Variants in ASPM observed in about 807,000 individuals in gnomAD.
ASPM encodes the protein assembly factor for spindle microtubules.
A neutral mutation model predicts 366.4 loss-of-function variants in ASPM; 256 were observed. The observed-to-expected ratio is 0.70, with a 90% CI of 0.63 to 0.77. The LOEUF is 0.77. Ranked by LOEUF, ASPM falls within the 30% of genes least tolerant of loss-of-function variation. The pLI is 0.00. For synonymous variants in ASPM, 1,414 were observed against 1,342.9 expected (o/e 1.05, Z -1.16); for missense variants, 4,146 against 4,090.4 (o/e 1.01, Z -0.37).
chr1:197,101,429 C>G lies in ASPM; in HGVS notation c.7822G>C (p.Val2608Leu). The G allele has an allele frequency of 6.2e-7, 1 of 1,608,656 alleles. No homozygotes were observed. The highest frequency in any genetic ancestry group is 1.3e-5 in the African/African-American group (1 of 74,890). ...QHNELKKETC[V>L]QAGFQDMNIK... is the part of the protein sequence containing the mutation. ...TTCATGTCCTGAAAACCTGCCTGAACACAAGTCTCTTTCTTAAGTTCATTG... is the reference window on the plus strand; with the variant it reads ...TTCATGTCCTGAAAACCTGCCTGAAGACAAGTCTCTTTCTTAAGTTCATTG... The change falls in exon 18 of 28, where the codon GTT (valine) becomes CTT (leucine). Residue 2608 changes from valine (V) to leucine (L), a missense_variant. Transcript: ENST00000367409.
At chr1:197,145,530 A>G (rs1409966180) in intron 1 of ASPM, among the ~76,000 whole-genome samples, 3 of 151,172 alleles carry the variant, frequency 2.0e-5, no homozygotes, top group South Asian at 2.1e-4. Context: ...ATTTCACCGG[A>G]AAAAAAAACC....
Position 197,103,991 on chromosome 1 carries a change from C to G in ASPM, c.5260G>C (p.Ala1754Pro). 6.2e-7 allele frequency: 1 copy of G among 1,612,390 alleles called. No homozygotes were observed. Among genetic ancestry groups the G allele is most frequent in the Non-Finnish European group, 8.5e-7 (1 of 1,179,360 alleles). ...VRKQMRLQRK[A>P]VISLQSYFRM... is the part of the protein sequence containing the mutation. ...AAATAAGACTGTAGTGAAATAACAGCTTTTCTTTGTAACCTCATCTGCTTT... is the reference window on the plus strand; with the variant it reads ...AAATAAGACTGTAGTGAAATAACAGGTTTTCTTTGTAACCTCATCTGCTTT... The change falls in exon 18 of 28, where the codon GCT becomes CCT. Residue 1754 changes from alanine to proline, a missense_variant. Physicochemically the swap from Ala to Pro is conservative, Grantham distance 27. Coordinates refer to ENST00000367409, the MANE Select transcript of ASPM (RefSeq NM_018136.5).
chr1:197,094,314 G>A, intron 19 of ASPM, 134 bp from the exon 20 acceptor site: 1 of 627,694 alleles, frequency 1.6e-6, no homozygotes. Flanking sequence ...TAAAAAGTGG[G>A]CAAGTATAAT....
intron 17 of ASPM, among the ~76,000 whole-genome samples, chr1:197,117,375 T>C (rs1321689697): frequency 6.6e-6 from 1 of 152,080 alleles, no homozygotes; most frequent in Non-Finnish European, 1.5e-5. Context: ...TAAGTACTAT[T>C]TCCTTTACAT....
At chr1:197,132,448 A>G in intron 6 of ASPM, 96 bp from the exon 7 acceptor site, 1 of 935,824 alleles carries the variant, frequency 1.1e-6, no homozygotes, top group South Asian at 1.4e-5. Flanking sequence ...GGAAAAAAAT[A>G]CTTGCTTATA....
chr1:197,093,516 C>G (rs1261867181), intron 20 of ASPM, among the ~76,000 whole-genome samples: 1 of 151,788 alleles, frequency 6.6e-6, no homozygotes, highest in African/African-American at 2.4e-5. Flanking sequence ...CCTCTTGATA[C>G]TTTTCATTGT....
At chr1:197,119,965 G>A (rs1294126115) in intron 16 of ASPM, among the ~76,000 whole-genome samples, 2 of 151,972 alleles carry the variant, frequency 1.3e-5, no homozygotes, top group Non-Finnish European at 2.9e-5. Context: ...AACATAGGGA[G>A]CCTGCTGCTT....
At position 197,129,995 on chromosome 1, in the gene ASPM, A is replaced by C. The variant is rs1339298491; in HGVS notation, c.2549T>G (p.Phe850Cys). ...DNSDVTGLAM[F>C]ILNRLLWNPD... ...ATTCCAAAGTAGGCGATTCAGAATAAACATAGCCAACCCTGTGACATCACT... is the reference window on the plus strand; with the variant it reads ...ATTCCAAAGTAGGCGATTCAGAATACACATAGCCAACCCTGTGACATCACT... The change falls in exon 8 of 28, where the codon TTT (phenylalanine) becomes TGT (cysteine). Residue 850 changes from phenylalanine (F) to cysteine (C), a missense_variant. By Grantham distance (205) the Phe-to-Cys change is radical. This residue lies in a region of ASPM where 3,624 missense variants were observed against 3,591.7 expected (regional missense o/e 1.01). Coordinates refer to ENST00000367409, the MANE Select transcript of ASPM (RefSeq NM_018136.5). 3 of 1,613,874 alleles carry C rather than the reference A, an allele frequency of 1.9e-6. No individual in the cohort carries two copies. In the African/African-American group the frequency reaches 4.0e-5, roughly 22 times the overall value.
Position 197,092,042 on chromosome 1 carries a change from T to A in ASPM, c.9309A>T (p.Arg3103Ser), listed in dbSNP as rs773154966. 1.2e-6 allele frequency: 2 copies of A among 1,611,668 alleles called. No individual in the cohort carries two copies. Among genetic ancestry groups the A allele is most frequent in the South Asian group, 2.2e-5 (2 of 91,026 alleles). ...WLVRKRFLEQ[R>S]AKIRLLHFTA... ...TGAAGTGAAGAAGTCGAATTTTGGCTCTCTGTTCTAAAAACTAAAGGTGAA... is the reference window on the plus strand; with the variant it reads ...TGAAGTGAAGAAGTCGAATTTTGGCACTCTGTTCTAAAAACTAAAGGTGAA... Residue 3103 changes from arginine (R) to serine (S), a missense_variant, in exon 22 of 28, where the codon AGA becomes AGT. Physicochemically the swap from Arg to Ser is moderately radical, Grantham distance 110. Around this residue, in one of 3 missense-constraint regions of ASPM, gnomAD observed 3,624 missense variants for 3,591.7 expected, o/e 1.01. Coordinates refer to ENST00000367409, the MANE Select transcript of ASPM (RefSeq NM_018136.5).
Position 197,146,484 on chromosome 1 carries a change from G to C in ASPM, c.-47C>G, listed in dbSNP as rs1415528496. ...GGATCTCCTTGCCCCGCTCCCACGAGGCGGCTCCGGAGCGGGGATCCGGGA... is the reference window on the plus strand; with the variant it reads ...GGATCTCCTTGCCCCGCTCCCACGACGCGGCTCCGGAGCGGGGATCCGGGA... On this transcript the variant is annotated 5_prime_UTR_variant, in exon 1 of 28. Coordinates refer to ENST00000367409, the MANE Select transcript of ASPM (RefSeq NM_018136.5). 2 of 1,593,388 alleles carry C rather than the reference G, an allele frequency of 1.3e-6. No homozygotes were observed. Among genetic ancestry groups the C allele is most frequent in the Non-Finnish European group, 8.5e-7 (1 of 1,175,770 alleles).
Position 197,103,156 on chromosome 1 carries a change from C to T in ASPM, c.6095G>A (p.Arg2032His), listed in dbSNP as rs149033840. The change falls in exon 18 of 28, where the codon CGT becomes CAT. Residue 2032 changes from arginine to histidine, a missense_variant. By Grantham distance (29) the Arg-to-His change is conservative. This residue lies in a region of ASPM where 3,624 missense variants were observed against 3,591.7 expected (regional missense o/e 1.01). Transcript: ENST00000367409. ...TATTCTTTTTCTCACTTTCATACCA[C>T]GATAAGCTGACTGTAAAGTTACTAC... ...AAVVTLQSAY[R>H]GMKVRKRIKD... is the part of the protein sequence containing the mutation. 18 of 1,612,728 alleles carry T rather than the reference C, an allele frequency of 1.1e-5. No individual in the cohort carries two copies. Among genetic ancestry groups the T allele is most frequent in the South Asian group, 6.6e-5 (6 of 91,048 alleles).
At chr1:197,095,827 C>T (rs552022329) in intron 19 of ASPM, among the ~76,000 whole-genome samples, 171 bp downstream of exon 19, 5 of 151,586 alleles carry the variant, frequency 3.3e-5, no homozygotes, top group African/African-American at 7.3e-5. Flanking sequence ...CAAGACAGTA[C>T]GAGAGATGTA....
chr1:197,093,060 G>T lies in ASPM; in HGVS notation c.9286C>A (p.Arg3096=), dbSNP rs774143329. The change falls in exon 21 of 28, where the codon CGA becomes AGA. Residue 3096 remains arginine (R), a synonymous_variant. Coordinates refer to ENST00000367409, the MANE Select transcript of ASPM (RefSeq NM_018136.5). ...TACTTGAAAATACTTACTCTTTTTC[G>T]TACTAGCCAACCACGCACCAGTGCT... ...LQALVRGWLV[R]KRFLEQRAKI... is the part of the protein sequence containing the mutation. The T allele has an allele frequency of 4.4e-6, 7 of 1,605,796 alleles. No individual in the cohort carries two copies. Among genetic ancestry groups the T allele is most frequent in the Middle Eastern group, 3.6e-4 (2 of 5,576 alleles).
At chr1:197,118,954 C>T (rs1199057731) in intron 16 of ASPM, among the ~76,000 whole-genome samples, 1 of 152,080 alleles carries the variant, frequency 6.6e-6, no homozygotes, top group Non-Finnish European at 1.5e-5. Flanking sequence ...TTTTGTGTTG[C>T]TGTCTGGGAC....
chr1:197,113,735 G>C (rs1035021747), intron 17 of ASPM, among the ~76,000 whole-genome samples: 2 of 151,892 alleles, frequency 1.3e-5, no homozygotes, highest in Non-Finnish European at 2.9e-5. Context: ...ACCAAATAGA[G>C]GCCTAATAAC....
At chr1:197,098,186 G>GAT (rs149284705) in intron 18 of ASPM, among the ~76,000 whole-genome samples, 44,606 of 146,014 alleles carry the variant, frequency 0.31, 8,274 homozygotes, top group Middle Eastern at 0.46. Context: ...CAGAGAAGTT[G>GAT]ATATATATAT....
At chr1:197,086,185 A>T (rs1421957989) in intron 27 of ASPM, among the ~76,000 whole-genome samples, 1 of 151,912 alleles carries the variant, frequency 6.6e-6, no homozygotes, top group Non-Finnish European at 1.5e-5. Context: ...TGTTGTCAAT[A>T]ATGTAGGATT....
At chr1:197,116,960 C>CA (rs1431191062) in intron 17 of ASPM, among the ~76,000 whole-genome samples, 52 of 152,158 alleles carry the variant, frequency 3.4e-4, no homozygotes, top group African/African-American at 1.1e-3. Flanking sequence ...CCTTTTGCTA[C>CA]ACTGGCAATA....
rs751171502 is a variant in ASPM, at chr1:197,090,177, C to T, written c.9829+19G>A. On this transcript the variant is annotated intron_variant, in intron 24 of 27. Coordinates refer to ENST00000367409, the MANE Select transcript of ASPM (RefSeq NM_018136.5). ...ATGTAGTATTACATCATTCTTTAAA[C>T]ATGTTAACACAAACTAACCTAGGTG... is the stretch of plus-strand genomic sequence containing the variant. The T allele has an allele frequency of 3.7e-6, 6 of 1,612,476 alleles. No homozygotes were observed. The highest frequency in any genetic ancestry group is 5.1e-6 in the Non-Finnish European group (6 of 1,178,980).
Sources: gnomAD v4.1 joint callset for allele counts (sites outside exome capture counted in the v4.1 genomes callset) on GRCh38, gnomAD v4.1.1 for gene constraint, gnomAD v4.1.1 regional missense constraint, MANE v1.5 for transcripts, NCBI Gene and HGNC (gene_info 2026-07-23, HGNC 2026-07-21) for gene names.